The following SCN11A variants were observed in gnomAD, a reference collection of about 807,000 sequenced individuals.
SCN11A encodes the protein sodium voltage-gated channel alpha subunit 11.
SCN11A carries 122 observed loss-of-function variants against 162.2 expected under a neutral mutation model. The ratio of observed to expected loss-of-function variants is 0.75; its 90% CI spans 0.65 to 0.87. The LOEUF (loss-of-function observed/expected upper bound fraction) is 0.87, where lower values mean the gene tolerates loss of function less well. Among genes scored for constraint, SCN11A ranks in the 40% least tolerant of loss-of-function variants. The probability of loss-of-function intolerance (pLI) is 0.00; values close to 1 mark genes in which losing one functional copy is unlikely to be tolerated. For synonymous variants in SCN11A, 758 were observed against 751.5 expected, an observed-to-expected ratio of 1.01 and a Z score of -0.14; for missense variants, 2,015 against 2,181.6, an observed-to-expected ratio of 0.92 and a Z score of 1.52.
intron 2 of SCN11A, among the ~76,000 whole-genome samples, chr3:39,018,876 A>T (rs1320924053): frequency 6.6e-6 from 1 of 152,236 alleles, no homozygotes; most frequent in Non-Finnish European, 1.5e-5. Flanking sequence ...CAAAAATTAT[A>T]TAACAGTGAT....
At chr3:38,998,835 C>G (rs544584633) in intron 2 of SCN11A, among the ~76,000 whole-genome samples, 35 of 145,374 alleles carry the variant, frequency 2.4e-4, no homozygotes, top group African/African-American at 8.7e-4. Context: ...CATGTTCTCA[C>G]TCATAGGTGG....
chr3:38,957,895 C>T (rs1292442406), intron 3 of SCN11A, among the ~76,000 whole-genome samples: 2 of 152,182 alleles, frequency 1.3e-5, no homozygotes, highest in Non-Finnish European at 2.9e-5. Flanking sequence ...GAGGATGAAA[C>T]CATGCCATGT....
intron 7 of SCN11A, among the ~76,000 whole-genome samples, chr3:38,935,197 C>T (rs78847655): frequency 0.4 from 60,906 of 151,658 alleles, 12,912 homozygotes; most frequent in African/African-American, 0.55. Flanking sequence ...AGACACAACA[C>T]ACCAGAATCT....
At chr3:38,996,389 T>C (rs1939216554) in intron 2 of SCN11A, among the ~76,000 whole-genome samples, 1 of 152,166 alleles carries the variant, frequency 6.6e-6, no homozygotes, top group Admixed American at 6.5e-5. Context: ...GATGAGTGTA[T>C]CTTGCTGTCA....
intron 23 of SCN11A, 89 bp downstream of exon 23, chr3:38,879,861 T>C: frequency 3.1e-6 from 3 of 970,200 alleles, no homozygotes; most frequent in Non-Finnish European, 4.7e-6. Context: ...CAGACATCCA[T>C]ATGCGGCACA....
At chr3:38,977,730 T>G (rs1243265011) in intron 2 of SCN11A, among the ~76,000 whole-genome samples, 1 of 152,238 alleles carries the variant, frequency 6.6e-6, no homozygotes, top group Non-Finnish European at 1.5e-5. Flanking sequence ...CTTCCCCTTC[T>G]GCGCTTAGCT....
At position 38,925,481 on chromosome 3, in the gene SCN11A, T is replaced by C. The variant is rs200069569; in HGVS notation, c.646A>G (p.Ile216Val). The C allele has an allele frequency of 3.7e-6, 6 of 1,613,342 alleles. No homozygotes were observed. The highest frequency in any genetic ancestry group is 2.2e-5 in the East Asian group (1 of 44,878). Reference protein sequence around the residue: ...AIVSYIPGITIKLLPLRTFRV... With the variant: ...AIVSYIPGITVKLLPLRTFRV... The stretch of plus-strand genomic sequence containing the variant: ...AAGGTACGCAGGGGCAATAGTTTGA[T>C]GGTGATTCCTGGAATATATGACACA... The change falls in exon 9 of 30, where the codon ATC becomes GTC. Residue 216 changes from isoleucine to valine, a missense_variant. Coordinates refer to ENST00000302328, the MANE Select transcript of SCN11A (RefSeq NM_001349253.2).
chr3:38,885,549 T>TCC (rs1397074796), intron 20 of SCN11A, 147 bp from the exon 21 acceptor site: 1 of 600,176 alleles, frequency 1.7e-6, no homozygotes, highest in African/African-American at 1.9e-5. Flanking sequence ...GAAACACCCC[T>TCC]CCTGCTGGGT....
chr3:38,942,813 C>A (rs1378092703), intron 7 of SCN11A, among the ~76,000 whole-genome samples: 1 of 151,998 alleles, frequency 6.6e-6, no homozygotes, highest in Non-Finnish European at 1.5e-5. Context: ...AAATTAAAAT[C>A]AAAGCAAATT....
intron 2 of SCN11A, among the ~76,000 whole-genome samples, chr3:39,011,398 G>A (rs780866881): frequency 6.6e-5 from 10 of 152,156 alleles, no homozygotes; most frequent in Non-Finnish European, 1.0e-4. Context: ...GTTAAGTTCT[G>A]GCCTGCAGGC....
intron 7 of SCN11A, among the ~76,000 whole-genome samples, chr3:38,931,843 T>A (rs2066245849): frequency 6.6e-6 from 1 of 152,226 alleles, no homozygotes; most frequent in Non-Finnish European, 1.5e-5. Flanking sequence ...AGTAAGTCAT[T>A]GCTCCAGTCA....
rs764597910 is a variant in SCN11A, at chr3:38,845,934, T to C, written c.*760A>G. ...ATGTCTGCAATAAGCTATTCATTTA[T>C]TGGCAAGTTTTGAATTTTCATTTAG... is the stretch of plus-strand genomic sequence containing the variant. On this transcript the variant is annotated 3_prime_UTR_variant, in exon 30 of 30. Coordinates refer to ENST00000302328, the MANE Select transcript of SCN11A (RefSeq NM_001349253.2). The C allele has an allele frequency of 1.3e-5, 2 of 152,238 alleles. No individual in the cohort carries two copies. The highest frequency in any genetic ancestry group is 2.9e-5 in the Non-Finnish European group (2 of 68,046). The allele number at this position is 152,238 out of a possible 1,614,324, so 9.4% of individuals were successfully genotyped here. A position where few individuals can be genotyped will look rare whatever the true frequency, so the allele number is the denominator to read the frequency against.
chr3:38,897,868 A>G (rs951735022), intron 17 of SCN11A, among the ~76,000 whole-genome samples: 5 of 152,238 alleles, frequency 3.3e-5, no homozygotes, highest in Non-Finnish European at 7.3e-5. Flanking sequence ...CTCTGGCCTG[A>G]GAGCCAAATA....
intron 2 of SCN11A, among the ~76,000 whole-genome samples, chr3:39,003,810 T>C (rs1212726035): frequency 6.6e-6 from 1 of 152,268 alleles, no homozygotes; most frequent in East Asian, 1.9e-4. Flanking sequence ...ATATGCTTGT[T>C]GGCCGCACAT....
At chr3:38,852,167 C>T (rs1001931179) in intron 28 of SCN11A, among the ~76,000 whole-genome samples, 5 of 152,010 alleles carry the variant, frequency 3.3e-5, no homozygotes, top group Non-Finnish European at 7.4e-5. Flanking sequence ...TTGGGGAGAG[C>T]AAGGGCAATG....
intron 15 of SCN11A, among the ~76,000 whole-genome samples, chr3:38,904,635 C>T (rs1034741735): frequency 6.6e-6 from 1 of 152,082 alleles, no homozygotes; most frequent in African/African-American, 2.4e-5. Context: ...ATGCAGTAGG[C>T]TTAAAAGTGC....
chr3:38,924,102 C>T (rs1310523764), intron 9 of SCN11A, among the ~76,000 whole-genome samples: 1 of 152,148 alleles, frequency 6.6e-6, no homozygotes, highest in East Asian at 1.9e-4. Context: ...GTCCACTGTG[C>T]TCCCTGTAGC....
intron 5 of SCN11A, among the ~76,000 whole-genome samples, chr3:38,948,510 C>T (rs1409930663): frequency 1.3e-5 from 2 of 152,182 alleles, no homozygotes; most frequent in African/African-American, 4.8e-5. Flanking sequence ...AAAAAGCACC[C>T]TTGGGTTTGC....
chr3:38,870,402 T>C (rs1252614927), intron 26 of SCN11A, among the ~76,000 whole-genome samples: 1 of 152,226 alleles, frequency 6.6e-6, no homozygotes, highest in Non-Finnish European at 1.5e-5. Context: ...CAAGGCATCC[T>C]GTGATTCTGC....
Sources: allele counts gnomAD v4.1 joint callset (sites outside exome capture counted in the v4.1 genomes callset), GRCh38; gene constraint gnomAD v4.1.1; transcripts MANE v1.5; gene names NCBI Gene and HGNC (gene_info 2026-07-23, HGNC 2026-07-21).